BMERB1: variants seen among roughly 807,000 people sequenced by gnomAD.
The protein encoded by BMERB1 is bMERB domain-containing protein 1.
BMERB1 carries 12 observed loss-of-function variants against 23.6 expected under a neutral mutation model. That is an observed-to-expected ratio of 0.51 (90% CI 0.33 to 0.82). The LOEUF is 0.82. Ranked by LOEUF, BMERB1 falls within the 40% of genes least tolerant of loss-of-function variation. The pLI, the probability that BMERB1 is intolerant of heterozygous loss-of-function variation, is 0.03. For synonymous variants in BMERB1, 122 were observed against 96.6 expected (o/e 1.26, Z -1.54); for missense variants, 247 against 255.4 (o/e 0.97, Z 0.22).
chr16:15,488,003 C>T lies in BMERB1; in HGVS notation c.107-27302C>T, dbSNP rs144980506. Among the ~76,000 whole-genome samples, 871 of 152,190 alleles carry T rather than the reference C, an allele frequency of 5.7e-3. 16 individuals are homozygous for T. Among genetic ancestry groups the T allele is most frequent in the African/African-American group, 0.02 (812 of 41,528 alleles). On this transcript the variant is annotated intron_variant, in intron 1 of 5. Transcript: ENST00000300006. ...GGTCTTTGTGACCTGTATCTTGTGC[C>T]GTCCTCCTAGCTCATCCTGTGACTT...
In BMERB1 at chr16:15,586,861, C is replaced by A. The variant is rs940010003; in HGVS notation, c.*32C>A. The A allele has an allele frequency of 8.9e-5, 82 of 918,834 alleles. No homozygotes were observed. The highest frequency in any genetic ancestry group is 1.1e-4 in the Non-Finnish European group (75 of 685,722). 56.9% of individuals were successfully genotyped at this position (918,834 alleles called of 1,614,324 possible). The stretch of plus-strand genomic sequence containing the variant: ...CGTGGGGTGCCCTGGGCCATGGGGA[C>A]CCCCCCCCACCCTCTTGTCTTTATA... On this transcript the variant is annotated 3_prime_UTR_variant, in exon 6 of 6. Coordinates refer to ENST00000300006, the MANE Select transcript of BMERB1 (RefSeq NM_033201.3).
chr16:15,468,476 G>C (rs2051203000), intron 1 of BMERB1, among the ~76,000 whole-genome samples: 1 of 151,978 alleles, frequency 6.6e-6, no homozygotes, highest in Non-Finnish European at 1.5e-5. Flanking sequence ...GACTTAAAGA[G>C]TCTGTTCTAT....
At chr16:15,494,041 G>C (rs1255090688) in intron 1 of BMERB1, among the ~76,000 whole-genome samples, 1 of 152,118 alleles carries the variant, frequency 6.6e-6, no homozygotes, top group African/African-American at 2.4e-5. Flanking sequence ...TAGGGAGTCG[G>C]TTAAGATGCA....
chr16:15,444,119 C>CTTTTTTTTTTTTTT (rs1225982061), intron 1 of BMERB1, among the ~76,000 whole-genome samples: 5 of 24,448 alleles, frequency 2.0e-4, no homozygotes, highest in South Asian at 1.3e-3. Context: ...CAGGCACCAG[C>CTTTTTTTTTTTTTT]TTTGTTTTTT....
intron 2 of BMERB1, among the ~76,000 whole-genome samples, chr16:15,519,649 C>T (rs533420209): frequency 1.3e-5 from 2 of 152,152 alleles, no homozygotes; most frequent in African/African-American, 4.8e-5. Flanking sequence ...CCTTGGCCTC[C>T]TTGGGATTAC....
At chr16:15,493,458 C>G (rs2051442077) in intron 1 of BMERB1, among the ~76,000 whole-genome samples, 2 of 152,112 alleles carry the variant, frequency 1.3e-5, no homozygotes, top group Non-Finnish European at 1.5e-5. Context: ...GCATTTTAAT[C>G]TTTTTTTAAA....
At position 15,481,932 on chromosome 16, in the gene BMERB1, C is replaced by T. The variant is rs138302492; in HGVS notation, c.107-33373C>T. On this transcript the variant is annotated intron_variant, in intron 1 of 5. Coordinates refer to ENST00000300006, the MANE Select transcript of BMERB1 (RefSeq NM_033201.3). ...TTTTAGTAGAGACGGGGTTTCACTA[C>T]GTTGACTAGCCTGGTCTTGAACTCC... 2.6e-3 allele frequency among the ~76,000 whole-genome samples: 401 copies of T among 151,668 alleles called. 3 individuals are homozygous for T. The highest frequency in any genetic ancestry group is 9.4e-3 in the African/African-American group (387 of 41,352).
At chr16:15,586,600 A>G (rs1288375736) in intron 5 of BMERB1, 117 bp from the exon 6 acceptor site, 3 of 803,602 alleles carry the variant, frequency 3.7e-6, no homozygotes, top group Non-Finnish European at 6.4e-6. Flanking sequence ...GGCCTGGAAC[A>G]AGACCTGGCC....
chr16:15,552,429 G>T (rs2030118882), intron 2 of BMERB1, among the ~76,000 whole-genome samples: 2 of 151,440 alleles, frequency 1.3e-5, no homozygotes, highest in Non-Finnish European at 2.9e-5. Flanking sequence ...GACAGAACGA[G>T]ACTCCATCTC....
At chr16:15,538,529 G>C (rs981747911) in intron 2 of BMERB1, among the ~76,000 whole-genome samples, 15 of 152,076 alleles carry the variant, frequency 9.9e-5, no homozygotes, top group African/African-American at 2.4e-5. Context: ...GTTTGCTACT[G>C]TTCCATGTCT....
rs769332260 is a variant in BMERB1 at position 15,466,765 on chromosome 16, A to G, written c.106+32006A>G. On this transcript the variant is annotated intron_variant, in intron 1 of 5. Transcript: ENST00000300006. ...ATTTAGTTCTATACAATTTTATCAT[A>G]TATTTAGATTTGTGTGACTATCAAC... Among the ~76,000 whole-genome samples the G allele has an allele frequency of 7.2e-5, 11 of 152,100 alleles. No homozygotes were observed. The East Asian group carries it at 1.3e-3, about 19-fold the overall frequency.
chr16:15,572,707 A>T (rs986989284), intron 3 of BMERB1, among the ~76,000 whole-genome samples: 4 of 152,208 alleles, frequency 2.6e-5, no homozygotes, highest in Admixed American at 2.0e-4. Flanking sequence ...GGACTCTGGC[A>T]TTGTAATAGA....
chr16:15,440,702 A>C (rs773314191), intron 1 of BMERB1, among the ~76,000 whole-genome samples: 1 of 152,200 alleles, frequency 6.6e-6, no homozygotes, highest in Non-Finnish European at 1.5e-5. Flanking sequence ...TATTCACTCC[A>C]TAAATAGGTA....
chr16:15,520,738 T>C (rs1306688), intron 2 of BMERB1, among the ~76,000 whole-genome samples: 141,533 of 152,066 alleles, frequency 0.93, 65,990 homozygotes, highest in African/African-American at 0.98. Context: ...CCTCCCGCCT[T>C]GGCCTCCCAA....
intron 1 of BMERB1, among the ~76,000 whole-genome samples, chr16:15,472,293 C>T (rs2051235560): frequency 6.6e-6 from 1 of 152,194 alleles, no homozygotes; most frequent in Non-Finnish European, 1.5e-5. Flanking sequence ...TGCAGTTATT[C>T]TATATCCTTG....
intron 1 of BMERB1, among the ~76,000 whole-genome samples, chr16:15,473,287 CTTTTT>C (rs549143781): frequency 7.3e-6 from 1 of 137,584 alleles, no homozygotes; most frequent in Non-Finnish European, 1.6e-5. Context: ...TTCCTTTAGC[CTTTTT>C]TTTTTTTTTT....
At chr16:15,539,849 A>AAAAAAG (rs997834109) in intron 2 of BMERB1, among the ~76,000 whole-genome samples, 4 of 151,944 alleles carry the variant, frequency 2.6e-5, no homozygotes, top group African/African-American at 9.7e-5. Flanking sequence ...CTCAAAAAAA[A>AAAAAAG]AAAAAGAAAA....
chr16:15,502,424 C>A, intron 1 of BMERB1: 1 of 1,469,356 alleles, frequency 6.8e-7, no homozygotes, highest in Non-Finnish European at 9.3e-7. Flanking sequence ...ACGAGGCAGG[C>A]TGGGAGAAAT....
intron 2 of BMERB1, 69 bp downstream of exon 2, chr16:15,515,497 G>A (rs936109765): frequency 1.3e-6 from 2 of 1,552,694 alleles, no homozygotes; most frequent in South Asian, 2.4e-5. Flanking sequence ...AATATTTGTT[G>A]ATCGTCTACT....
Sources: gnomAD v4.1 joint callset for allele counts (sites outside exome capture counted in the v4.1 genomes callset) on GRCh38, gnomAD v4.1.1 for gene constraint, MANE v1.5 for transcripts, NCBI Gene and HGNC (gene_info 2026-07-23, HGNC 2026-07-21) for gene names.